EXOC6B: variants seen among roughly 807,000 people sequenced by gnomAD.
EXOC6B encodes SEC15 homolog B.
A neutral mutation model predicts 113.5 loss-of-function variants in EXOC6B; 54 were observed. That is an observed-to-expected ratio of 0.48 (90% CI 0.38 to 0.60). The LOEUF (loss-of-function observed/expected upper bound fraction) is 0.60. Ranked by LOEUF, EXOC6B falls within the 20% of genes least tolerant of loss-of-function variation. The probability of loss-of-function intolerance (pLI) is 0.00; values close to 1 mark genes in which losing one functional copy is unlikely to be tolerated. For missense variants in EXOC6B, 797 were observed against 977.5 expected (o/e 0.82, Z 2.46); for synonymous variants, 357 against 339.0 (o/e 1.05, Z -0.58).
At chr2:72,490,134 C>A (rs753765021) in intron 16 of EXOC6B, among the ~76,000 whole-genome samples, 20 of 152,100 alleles carry the variant, frequency 1.3e-4, no homozygotes, top group Non-Finnish European at 2.6e-4. Flanking sequence ...TTACTATGGA[C>A]CTCCTGTAAA....
At chr2:72,461,044 T>A (rs1389065774) in intron 18 of EXOC6B, among the ~76,000 whole-genome samples, 1 of 151,794 alleles carries the variant, frequency 6.6e-6, no homozygotes, top group African/African-American at 2.4e-5. Context: ...AATGATGAGT[T>A]CATGTCCTTT....
chr2:72,601,174 GTGTA>G (rs1392168733), intron 6 of EXOC6B, among the ~76,000 whole-genome samples: 4 of 71,264 alleles, frequency 5.6e-5, no homozygotes, highest in Middle Eastern at 0.015. Flanking sequence ...GTGTGTGTGT[GTGTA>G]TATCTTTTTT....
intron 20 of EXOC6B, among the ~76,000 whole-genome samples, chr2:72,186,947 C>A (rs1678474997): frequency 6.6e-6 from 1 of 152,272 alleles, no homozygotes; most frequent in East Asian, 1.9e-4. Context: ...GTTTGTTCCA[C>A]CCACTTGGCC....
chr2:72,342,436 C>T (rs150719723), intron 19 of EXOC6B, among the ~76,000 whole-genome samples: 119 of 151,844 alleles, frequency 7.8e-4, no homozygotes, highest in African/African-American at 2.7e-3. Flanking sequence ...TGAAATAGTG[C>T]GCAAAATCAA....
chr2:72,657,009 G>A (rs967916334), intron 6 of EXOC6B, among the ~76,000 whole-genome samples: 12 of 151,586 alleles, frequency 7.9e-5, no homozygotes, highest in African/African-American at 2.7e-4. Flanking sequence ...GCACCACCAT[G>A]CCCAGCTAAT....
intron 18 of EXOC6B, among the ~76,000 whole-genome samples, chr2:72,400,275 A>G (rs1282416956): frequency 2.0e-5 from 3 of 152,182 alleles, no homozygotes; most frequent in Non-Finnish European, 4.4e-5. Context: ...ATATACAAAC[A>G]TTAACTTAAG....
intron 6 of EXOC6B, among the ~76,000 whole-genome samples, chr2:72,587,808 A>C (rs1705685860): frequency 6.6e-6 from 1 of 152,118 alleles, no homozygotes. Context: ...GTATATGAAG[A>C]ATTCCTTAAA....
chr2:72,401,565 AC>A (rs1693233700), intron 18 of EXOC6B, among the ~76,000 whole-genome samples: 1 of 25,702 alleles, frequency 3.9e-5, no homozygotes, highest in Non-Finnish European at 6.0e-5. Context: ...ATATATATAT[AC>A]ATATATATAT....
chr2:72,287,629 C>T (rs6733210), intron 20 of EXOC6B, among the ~76,000 whole-genome samples: 54,540 of 151,536 alleles, frequency 0.36, 12,697 homozygotes, highest in African/African-American at 0.66. Context: ...ACTGCAGATC[C>T]TACAGATATT....
intron 6 of EXOC6B, among the ~76,000 whole-genome samples, chr2:72,706,982 T>G (rs138537638): frequency 6.6e-6 from 1 of 152,118 alleles, no homozygotes; most frequent in Non-Finnish European, 1.5e-5. Context: ...GCAAATCTAG[T>G]CTTTAAACCA....
intron 18 of EXOC6B, among the ~76,000 whole-genome samples, chr2:72,450,421 C>T (rs1302496375): frequency 6.6e-6 from 1 of 152,112 alleles, no homozygotes; most frequent in Non-Finnish European, 1.5e-5. Context: ...GGTATAGACA[C>T]ATTAAAAGTT....
At chr2:72,520,763 T>G (rs966029722) in intron 8 of EXOC6B, among the ~76,000 whole-genome samples, 2 of 152,218 alleles carry the variant, frequency 1.3e-5, no homozygotes, top group African/African-American at 4.8e-5. Context: ...AATATTCTCC[T>G]GCCACACAGT....
chr2:72,413,638 A>C (rs554843992), intron 18 of EXOC6B, among the ~76,000 whole-genome samples: 127 of 150,430 alleles, frequency 8.4e-4, no homozygotes, highest in African/African-American at 2.9e-3. Flanking sequence ...AGCTGAGATC[A>C]CTCCACTGCA....
At chr2:72,811,512 TA>T (rs1192879918) in intron 1 of EXOC6B, among the ~76,000 whole-genome samples, 3 of 152,206 alleles carry the variant, frequency 2.0e-5, no homozygotes, top group Non-Finnish European at 1.5e-5. Context: ...GCATGAATTC[TA>T]AAATCTCTTC....
At chr2:72,505,567 A>T (rs1700552709) in intron 11 of EXOC6B, among the ~76,000 whole-genome samples, 1 of 152,178 alleles carries the variant, frequency 6.6e-6, no homozygotes, top group African/African-American at 2.4e-5. Context: ...TAAGGTACCC[A>T]TCTTCCCTAT....
At chr2:72,746,751 A>T (rs1219500266) in intron 1 of EXOC6B, among the ~76,000 whole-genome samples, 1 of 152,080 alleles carries the variant, frequency 6.6e-6, no homozygotes, top group Non-Finnish European at 1.5e-5. Flanking sequence ...ATAAATGAGA[A>T]ACCTGTAACC....
At position 72,825,952 on chromosome 2, in the gene EXOC6B, G is replaced by T. The variant is rs928610197; in HGVS notation, c.-42C>A. 16 of 1,603,754 alleles carry T rather than the reference G, an allele frequency of 1.0e-5. No individual in the cohort carries two copies. Among genetic ancestry groups the T allele is most frequent in the Admixed American group, 1.7e-5 (1 of 59,808 alleles). On this transcript the variant is annotated 5_prime_UTR_variant, in exon 1 of 22. Transcript: ENST00000272427. The surrounding 1 kb of genome is among the most constrained non-coding windows in gnomAD (Gnocchi z 4.4). ...GCAGCGCGTCCCCTCCGTCGGCTCG[G>T]CTCACCTTTTCCCTGCCCCACAATG... is the stretch of plus-strand genomic sequence containing the variant.
At chr2:72,446,624 G>C (rs1464059834) in intron 18 of EXOC6B, among the ~76,000 whole-genome samples, 1 of 152,088 alleles carries the variant, frequency 6.6e-6, no homozygotes. Flanking sequence ...GTACTAGAGT[G>C]GGGAGAGTGG....
chr2:72,449,481 AT>A (rs61544524), intron 18 of EXOC6B, among the ~76,000 whole-genome samples: 37,132 of 138,866 alleles, frequency 0.27, 6,296 homozygotes, highest in African/African-American at 0.51. Flanking sequence ...AGCATTGTCA[AT>A]TTTTTTTTTT....
Sources: gnomAD v4.1 joint callset for allele counts (sites outside exome capture counted in the v4.1 genomes callset) on GRCh38, gnomAD v4.1.1 for gene constraint, Gnocchi (gnomAD v3.1) non-coding constraint, MANE v1.5 for transcripts, NCBI Gene and HGNC (gene_info 2026-07-23, HGNC 2026-07-21) for gene names.